The following MAPK14 variants were observed in gnomAD, a reference collection of about 807,000 sequenced individuals.
MAPK14 encodes the protein CSAID-binding protein.
Under a neutral mutation model 49.6 loss-of-function variants are expected in MAPK14, and 16 were observed. That is an observed-to-expected ratio of 0.32 (90% CI 0.22 to 0.49). The LOEUF is 0.49. Among genes scored for constraint, MAPK14 ranks in the 20% least tolerant of loss-of-function variants. The pLI is 0.99. For missense variants in MAPK14, 200 were observed against 441.2 expected, an observed-to-expected ratio of 0.45 and a Z score of 4.90; for synonymous variants, 142 against 158.0, an observed-to-expected ratio of 0.90 and a Z score of 0.76.
chr6:36,093,740 A>C (rs1014773252), intron 8 of MAPK14, among the ~76,000 whole-genome samples: 18 of 151,720 alleles, frequency 1.2e-4, no homozygotes, highest in Non-Finnish European at 2.5e-4. Flanking sequence ...AAAAAAAAAA[A>C]AAACAACTGA....
At chr6:36,039,167 C>T (rs1762860511) in intron 1 of MAPK14, among the ~76,000 whole-genome samples, 1 of 152,100 alleles carries the variant, frequency 6.6e-6, no homozygotes, top group Non-Finnish European at 1.5e-5. Flanking sequence ...TATTTATTGT[C>T]CTCCCTGCCT....
At chr6:36,099,904 G>T (rs1254922961) in intron 9 of MAPK14, among the ~76,000 whole-genome samples, 1 of 152,222 alleles carries the variant, frequency 6.6e-6, no homozygotes, top group African/African-American at 2.4e-5. Context: ...TCAAGGGGCA[G>T]TCTGTTTCCA....
intron 1 of MAPK14, among the ~76,000 whole-genome samples, chr6:36,034,380 T>C (rs1016342656): frequency 6.6e-6 from 1 of 152,258 alleles, no homozygotes; most frequent in African/African-American, 2.4e-5. Context: ...GGACTGTCTG[T>C]ACATGTTTGT....
intron 8 of MAPK14, among the ~76,000 whole-genome samples, chr6:36,088,319 ACAACCTACAGAATGGGAGACAGTTTTTG>A (rs1056249670): frequency 1.3e-5 from 2 of 152,204 alleles, no homozygotes; most frequent in Non-Finnish European, 2.9e-5. Flanking sequence ...GAGTGAACAG[ACAACCTACAGAATGGGAGACAGTTTTTG>A]CAATCTATCC....
At chr6:36,101,617 G>A (rs1334687521) in intron 9 of MAPK14, among the ~76,000 whole-genome samples, 2 of 151,658 alleles carry the variant, frequency 1.3e-5, no homozygotes, top group Admixed American at 6.6e-5. Context: ...CTGCTCAAGC[G>A]ATCCTGTTAC....
chr6:36,102,195 G>C (rs851004), intron 9 of MAPK14, among the ~76,000 whole-genome samples: 1 of 152,170 alleles, frequency 6.6e-6, no homozygotes, highest in Non-Finnish European at 1.5e-5. Context: ...TCCAAGACTT[G>C]CTTTGGGAAT....
At chr6:36,070,596 T>A (rs1177738457) in intron 3 of MAPK14, among the ~76,000 whole-genome samples, 2 of 152,216 alleles carry the variant, frequency 1.3e-5, no homozygotes, top group Non-Finnish European at 2.9e-5. Context: ...ACTTATTAAT[T>A]ACATTTAGAG....
rs978758699 is a variant in MAPK14 at position 36,028,402 on chromosome 6, C to T, written c.116+129C>T. On this transcript the variant is annotated intron_variant, in intron 1 of 11. Coordinates refer to ENST00000229794, the MANE Select transcript of MAPK14 (RefSeq NM_139012.3). This position sits in a 1 kb window ranked among gnomAD's most constrained non-coding sequence, Gnocchi z 5.1. The stretch of plus-strand genomic sequence containing the variant: ...TCCTCGGGGGAGGGCATTGCTGCCC[C>T]TTCGAGCTCTGCCCGTTCTGCACCT... 6.4e-5 allele frequency: 42 copies of T among 651,620 alleles called. No individual in the cohort carries two copies. Among genetic ancestry groups the T allele is most frequent in the Non-Finnish European group, 9.2e-5 (34 of 368,006 alleles). The allele number at this position is 651,620 out of a possible 1,614,324, so 40.4% of individuals were successfully genotyped here.
intron 8 of MAPK14, among the ~76,000 whole-genome samples, chr6:36,087,268 A>G (rs1765023251): frequency 6.6e-6 from 1 of 152,202 alleles, no homozygotes; most frequent in Admixed American, 6.5e-5. Flanking sequence ...TCAACATAGT[A>G]TTGGAAATTC....
At chr6:36,046,126 G>A (rs1016051172) in intron 1 of MAPK14, among the ~76,000 whole-genome samples, 5 of 152,178 alleles carry the variant, frequency 3.3e-5, no homozygotes, top group African/African-American at 9.7e-5. Context: ...TGTGTGTTAT[G>A]TACTGGATTC....
chr6:36,054,609 A>G (rs1763525280), intron 2 of MAPK14, among the ~76,000 whole-genome samples: 1 of 152,224 alleles, frequency 6.6e-6, no homozygotes, highest in South Asian at 2.1e-4. Context: ...ATAGTTCTCT[A>G]TTCCATTGGC....
chr6:36,059,860 C>T (rs7768950), intron 3 of MAPK14, among the ~76,000 whole-genome samples: 7,035 of 152,216 alleles, frequency 0.046, 399 homozygotes, highest in African/African-American at 0.13. Context: ...TGTAACGGAT[C>T]CCCAGCCATA....
chr6:36,089,295 A>G (rs1235571870), intron 8 of MAPK14, among the ~76,000 whole-genome samples: 1 of 152,184 alleles, frequency 6.6e-6, no homozygotes, highest in East Asian at 1.9e-4. Flanking sequence ...CAGAAAGCCA[A>G]ACACCACATG....
chr6:36,063,923 T>C (rs981166909), intron 3 of MAPK14, among the ~76,000 whole-genome samples: 3 of 152,236 alleles, frequency 2.0e-5, no homozygotes, highest in Admixed American at 2.0e-4. Flanking sequence ...TAGTAATGTT[T>C]GGCAAGATAC....
At chr6:36,086,203 G>C (rs998634822) in intron 8 of MAPK14, among the ~76,000 whole-genome samples, 1 of 152,096 alleles carries the variant, frequency 6.6e-6, no homozygotes, top group Non-Finnish European at 1.5e-5. Context: ...CAAAAAGCTA[G>C]AAAGATCTCA....
the MAPK14 span, among the ~76,000 whole-genome samples, chr6:36,119,788 C>T: frequency 2.0e-5 from 3 of 152,028 alleles, no homozygotes; most frequent in African/African-American, 7.3e-5. Context: ...GAGGAATTAC[C>T]CAGCAGAAAC....
At chr6:36,093,259 T>C (rs1231662505) in intron 8 of MAPK14, among the ~76,000 whole-genome samples, 6 of 152,118 alleles carry the variant, frequency 3.9e-5, no homozygotes, top group Non-Finnish European at 2.9e-5. Context: ...AGGCCTGATA[T>C]TGTTTCATGC....
chr6:36,089,819 T>G (rs1454328248), intron 8 of MAPK14, among the ~76,000 whole-genome samples: 1 of 152,226 alleles, frequency 6.6e-6, no homozygotes, highest in Non-Finnish European at 1.5e-5. Flanking sequence ...ACCATAGATC[T>G]TGAAATGAAT....
chr6:36,123,697 G>C, the MAPK14 span, among the ~76,000 whole-genome samples: 11 of 152,356 alleles, frequency 7.2e-5, no homozygotes, highest in Non-Finnish European at 1.5e-4. Context: ...TTGTCCAGAG[G>C]TGGAGAGGGA....
Sources: allele counts gnomAD v4.1 joint callset (sites outside exome capture counted in the v4.1 genomes callset), GRCh38; gene constraint gnomAD v4.1.1; non-coding constraint Gnocchi (gnomAD v3.1); transcripts MANE v1.5; gene names NCBI Gene and HGNC (gene_info 2026-07-23, HGNC 2026-07-21).